PITPNC1: variants seen among roughly 807,000 people sequenced by gnomAD.
PITPNC1 encodes the protein phosphatidylinositol transfer protein cytoplasmic 1.
PITPNC1 carries 18 observed loss-of-function variants against 44.7 expected under a neutral mutation model. The observed-to-expected ratio is 0.40, with a 90% CI of 0.28 to 0.60. PITPNC1 has a LOEUF of 0.60. Ranked by LOEUF, PITPNC1 falls within the 20% of genes least tolerant of loss-of-function variation. The pLI is 0.39. For missense variants in PITPNC1, 290 were observed against 418.4 expected, an observed-to-expected ratio of 0.69 and a Z score of 2.68; for synonymous variants, 141 against 149.6, an observed-to-expected ratio of 0.94 and a Z score of 0.42.
At chr17:67,383,768 G>A (rs1045805171) in intron 1 of PITPNC1, among the ~76,000 whole-genome samples, 1 of 152,246 alleles carries the variant, frequency 6.6e-6, no homozygotes, top group African/African-American at 2.4e-5. Flanking sequence ...GCCAGGCGCG[G>A]TGGCTCATGC....
intron 1 of PITPNC1, among the ~76,000 whole-genome samples, chr17:67,429,527 C>G (rs1184845710): frequency 6.6e-6 from 1 of 151,822 alleles, no homozygotes; most frequent in Non-Finnish European, 1.5e-5. Context: ...GGTGAAACCC[C>G]ATCTCTACTA....
chr17:67,519,109 A>G (rs1048702538), intron 1 of PITPNC1, among the ~76,000 whole-genome samples: 5 of 151,224 alleles, frequency 3.3e-5, no homozygotes, highest in Admixed American at 1.3e-4. Context: ...CTAGGTCTGT[A>G]CTCAAAGTAA....
At chr17:67,618,262 G>A in intron 5 of PITPNC1, among the ~76,000 whole-genome samples, 1 of 150,800 alleles carries the variant, frequency 6.6e-6, no homozygotes, top group East Asian at 2.0e-4. Context: ...CTACTAGGGA[G>A]GCTGAGGCAC....
chr17:67,406,655 C>T (rs2038405789), intron 1 of PITPNC1, among the ~76,000 whole-genome samples: 1 of 150,844 alleles, frequency 6.6e-6, no homozygotes, highest in African/African-American at 2.4e-5. Flanking sequence ...GGTGCGATCT[C>T]AGCCCACTGC....
intron 4 of PITPNC1, among the ~76,000 whole-genome samples, chr17:67,574,961 T>A (rs2041118890): frequency 6.6e-6 from 1 of 152,108 alleles, no homozygotes; most frequent in South Asian, 2.1e-4. Context: ...AATAACAACA[T>A]CTGCTAATTT....
At chr17:67,621,938 A>G (rs1305200876) in intron 5 of PITPNC1, among the ~76,000 whole-genome samples, 6 of 152,136 alleles carry the variant, frequency 3.9e-5, no homozygotes, top group South Asian at 2.1e-4. Flanking sequence ...GCAATGTAGC[A>G]AGACCCTGTA....
chr17:67,535,139 C>T (rs1310949461), intron 2 of PITPNC1, among the ~76,000 whole-genome samples: 1 of 152,144 alleles, frequency 6.6e-6, no homozygotes, highest in African/African-American at 2.4e-5. Context: ...GAGATTGATC[C>T]CATTCATCTA....
At chr17:67,542,051 C>T (rs564187721) in intron 2 of PITPNC1, among the ~76,000 whole-genome samples, 93 of 152,174 alleles carry the variant, frequency 6.1e-4, no homozygotes, top group Non-Finnish European at 1.2e-3. Context: ...TTAAGTTGGA[C>T]AGCCTGGAAG....
At chr17:67,447,179 G>A (rs542484933) in intron 1 of PITPNC1, among the ~76,000 whole-genome samples, 1 of 151,166 alleles carries the variant, frequency 6.6e-6, no homozygotes, top group Admixed American at 6.6e-5. Flanking sequence ...ATCGGAGAGT[G>A]GCCAACCTGG....
intron 4 of PITPNC1, 76 bp downstream of exon 4, chr17:67,553,693 G>A: frequency 1.9e-6 from 1 of 534,416 alleles, no homozygotes; most frequent in Non-Finnish European, 3.3e-6. Flanking sequence ...TGTATTACTT[G>A]TCTTATCAAT....
intron 1 of PITPNC1, among the ~76,000 whole-genome samples, chr17:67,453,812 A>G (rs541138209): frequency 1.3e-5 from 2 of 152,352 alleles, no homozygotes; most frequent in East Asian, 3.9e-4. Context: ...GTTTCCTATC[A>G]TCATGGTAGA....
chr17:67,601,979 A>C (rs779070378), intron 5 of PITPNC1, among the ~76,000 whole-genome samples: 7 of 152,110 alleles, frequency 4.6e-5, no homozygotes, highest in Non-Finnish European at 7.4e-5. Context: ...GAGGGGGCTG[A>C]AGGAGGGTAA....
chr17:67,575,819 T>TTTCTTTCTTTCCTTCCTTCCTTCC (rs1555669446), intron 4 of PITPNC1, among the ~76,000 whole-genome samples: 1 of 108,462 alleles, frequency 9.2e-6, no homozygotes, highest in African/African-American at 3.6e-5. Context: ...TCTTTCTTTC[T>TTTCTTTCTTTCCTTCCTTCCTTCC]TTCCTTCCTT....
chr17:67,378,712 C>T (rs1299186576), intron 1 of PITPNC1, among the ~76,000 whole-genome samples: 1 of 152,176 alleles, frequency 6.6e-6, no homozygotes, highest in African/African-American at 2.4e-5. Context: ...CTGCGGGGCC[C>T]GACTTCTCGC....
chr17:67,576,739 G>A (rs1224649362), intron 4 of PITPNC1, among the ~76,000 whole-genome samples: 1 of 152,186 alleles, frequency 6.6e-6, no homozygotes, highest in Admixed American at 6.5e-5. Flanking sequence ...GTAGGGCTGG[G>A]TTGCATTTGG....
intron 1 of PITPNC1, among the ~76,000 whole-genome samples, chr17:67,397,664 G>A (rs75058960): frequency 0.01 from 1,528 of 152,206 alleles, 23 homozygotes; most frequent in African/African-American, 0.034. Context: ...GGCTCAGACC[G>A]GAGGACTTTG....
At chr17:67,500,914 T>C (rs907708200) in intron 1 of PITPNC1, among the ~76,000 whole-genome samples, 3 of 151,902 alleles carry the variant, frequency 2.0e-5, no homozygotes, top group African/African-American at 7.3e-5. Context: ...GGTCTCAAAC[T>C]CCTGGGCTCA....
At chr17:67,424,259 CAAG>C (rs2038712387) in intron 1 of PITPNC1, among the ~76,000 whole-genome samples, 1 of 151,950 alleles carries the variant, frequency 6.6e-6, no homozygotes, top group African/African-American at 2.4e-5. Flanking sequence ...TCTCTTCCAG[CAAG>C]AAGAGGAAGA....
chr17:67,426,606 T>G (rs533961469), intron 1 of PITPNC1, among the ~76,000 whole-genome samples: 1 of 142,592 alleles, frequency 7.0e-6, no homozygotes. Context: ...CGGGGCCTGT[T>G]GGAGGGTGGG....
Sources: gnomAD v4.1 joint callset for allele counts (sites outside exome capture counted in the v4.1 genomes callset) on GRCh38, gnomAD v4.1.1 for gene constraint, MANE v1.5 for transcripts, NCBI Gene and HGNC (gene_info 2026-07-23, HGNC 2026-07-21) for gene names.